The following NRIP1 variants were observed in gnomAD, a reference collection of about 807,000 sequenced individuals.
NRIP1 encodes nuclear receptor-interacting protein 1.
A neutral mutation model predicts 75.0 loss-of-function variants in NRIP1; 28 were observed. The observed-to-expected ratio is 0.37, with a 90% CI of 0.28 to 0.51. The LOEUF (loss-of-function observed/expected upper bound fraction) is 0.51, where lower values mean the gene tolerates loss of function less well. Ranked by LOEUF, NRIP1 falls within the 20% of genes least tolerant of loss-of-function variation. The pLI is 0.92. For synonymous variants in NRIP1, 526 were observed against 487.6 expected (o/e 1.08, Z -1.04); for missense variants, 1,435 against 1,343.7 (o/e 1.07, Z -1.06).
At chr21:14,998,887 G>A (rs1328643340) in intron 3 of NRIP1, among the ~76,000 whole-genome samples, 4 of 152,196 alleles carry the variant, frequency 2.6e-5, no homozygotes, top group Non-Finnish European at 5.9e-5. Flanking sequence ...CAGTAGTTAA[G>A]TTTTGAGGGA....
chr21:15,024,371 C>T (rs770147426), intron 2 of NRIP1, among the ~76,000 whole-genome samples: 80 of 152,106 alleles, frequency 5.3e-4, no homozygotes, highest in African/African-American at 1.7e-3. Context: ...GGTGAAACCC[C>T]GTCTCTACTA....
At chr21:14,978,708 A>C (rs2822989) in intron 3 of NRIP1, among the ~76,000 whole-genome samples, 28,633 of 152,086 alleles carry the variant, frequency 0.19, 3,091 homozygotes, top group East Asian at 0.45. Flanking sequence ...TTCTCCTCAG[A>C]AGGCCTAGGT....
chr21:15,057,396 T>G (rs555906674), intron 1 of NRIP1, among the ~76,000 whole-genome samples: 69 of 152,334 alleles, frequency 4.5e-4, no homozygotes, highest in African/African-American at 1.5e-3. Flanking sequence ...TGTGATACAC[T>G]TCAGAAGAGT....
chr21:14,968,305 G>A lies in NRIP1; in HGVS notation c.-113C>T, dbSNP rs1396796614. Reference sequence around the variant, plus strand: ...GAGTATCAGTTTATCACCTTCCATCGCAATCAGAGAGAGACGTACTGTTAC... The same window carrying A: ...GAGTATCAGTTTATCACCTTCCATCACAATCAGAGAGAGACGTACTGTTAC... On this transcript the variant is annotated 5_prime_UTR_variant, in exon 4 of 4. Coordinates refer to ENST00000318948, the MANE Select transcript of NRIP1 (RefSeq NM_003489.4). 8.6e-6 allele frequency: 6 copies of A among 696,498 alleles called. No individual in the cohort carries two copies. The highest frequency in any genetic ancestry group is 3.8e-5 in the South Asian group (2 of 51,986). 43.1% of individuals were successfully genotyped at this position (696,498 alleles called of 1,614,324 possible). A position where few individuals can be genotyped will look rare whatever the true frequency, so the allele number is the denominator to read the frequency against.
intron 3 of NRIP1, among the ~76,000 whole-genome samples, chr21:14,972,307 T>C (rs1311361128): frequency 6.6e-6 from 1 of 152,180 alleles, no homozygotes; most frequent in Non-Finnish European, 1.5e-5. Context: ...CCTTTTCATT[T>C]CTATAGTATA....
At chr21:15,017,969 G>T (rs1369686583) in intron 2 of NRIP1, among the ~76,000 whole-genome samples, 1 of 151,992 alleles carries the variant, frequency 6.6e-6, no homozygotes, top group African/African-American at 2.4e-5. Flanking sequence ...ACCAACAAAA[G>T]ATAACACAAA....
intron 2 of NRIP1, among the ~76,000 whole-genome samples, chr21:15,017,259 T>C (rs2088257372): frequency 1.3e-5 from 2 of 152,322 alleles, no homozygotes; most frequent in South Asian, 4.1e-4. Flanking sequence ...GATCTCGCTA[T>C]GTTGCTCAGG....
chr21:14,980,904 T>C (rs988180331), intron 3 of NRIP1, among the ~76,000 whole-genome samples: 20 of 152,188 alleles, frequency 1.3e-4, no homozygotes, highest in Admixed American at 6.5e-5. Context: ...AAAAATTATG[T>C]CAAATTATCA....
At chr21:15,059,678 G>T (rs2089382467) in intron 1 of NRIP1, among the ~76,000 whole-genome samples, 1 of 151,982 alleles carries the variant, frequency 6.6e-6, no homozygotes, top group South Asian at 2.1e-4. Flanking sequence ...TTGTTTAGCA[G>T]GTAATTATTT....
chr21:15,024,399 G>A (rs773797437), intron 2 of NRIP1, among the ~76,000 whole-genome samples: 2 of 152,180 alleles, frequency 1.3e-5, no homozygotes, highest in South Asian at 2.1e-4. Context: ...AAAATTAGCT[G>A]GGTGTGGTGG....
At chr21:14,979,299 T>C (rs1002485303) in intron 3 of NRIP1, among the ~76,000 whole-genome samples, 6 of 152,204 alleles carry the variant, frequency 3.9e-5, no homozygotes, top group African/African-American at 7.2e-5. Flanking sequence ...TAATGGAAAA[T>C]GGATCTTTCT....
chr21:14,998,264 G>T (rs1433471092), intron 3 of NRIP1, among the ~76,000 whole-genome samples: 3 of 152,172 alleles, frequency 2.0e-5, no homozygotes, highest in African/African-American at 7.2e-5. Context: ...TCTTTAACCT[G>T]AATATTTATC....
At chr21:15,008,922 C>A (rs1447850171) in intron 3 of NRIP1, among the ~76,000 whole-genome samples, 1 of 152,126 alleles carries the variant, frequency 6.6e-6, no homozygotes, top group Non-Finnish European at 1.5e-5. Context: ...TTGTGTAACT[C>A]TTGTTTTAAA....
At chr21:15,036,624 C>T (rs928435390) in intron 2 of NRIP1, among the ~76,000 whole-genome samples, 3 of 151,972 alleles carry the variant, frequency 2.0e-5, no homozygotes, top group Admixed American at 6.6e-5. Context: ...GAAAGTCAAA[C>T]TTATTTCATT....
chr21:15,044,489 C>A (rs559647120), intron 1 of NRIP1, among the ~76,000 whole-genome samples: 1 of 151,810 alleles, frequency 6.6e-6, no homozygotes, highest in South Asian at 2.1e-4. Context: ...GTGAAGCTAG[C>A]GGTGATAAGG....
intron 2 of NRIP1, among the ~76,000 whole-genome samples, chr21:15,035,620 G>C (rs529790237): frequency 2.0e-5 from 3 of 149,568 alleles, no homozygotes; most frequent in African/African-American, 7.4e-5. Context: ...GCAGTGGCGC[G>C]ATCTCGGCTC....
intron 3 of NRIP1, among the ~76,000 whole-genome samples, chr21:14,973,718 C>T (rs1321150423): frequency 6.7e-6 from 1 of 149,932 alleles, no homozygotes; most frequent in African/African-American, 2.4e-5. Flanking sequence ...ATTCTGTTGC[C>T]CAGGCTGGAC....
At chr21:15,056,438 G>A (rs1365968512) in intron 1 of NRIP1, among the ~76,000 whole-genome samples, 1 of 151,994 alleles carries the variant, frequency 6.6e-6, no homozygotes, top group Non-Finnish European at 1.5e-5. Context: ...GGAATCAGAT[G>A]GTAAATTTAA....
chr21:15,019,031 T>C (rs977399135), intron 2 of NRIP1, among the ~76,000 whole-genome samples: 21 of 151,970 alleles, frequency 1.4e-4, no homozygotes, highest in African/African-American at 4.3e-4. Flanking sequence ...CACTGATGTG[T>C]TGGATTTTGT....
Sources: gnomAD v4.1 joint callset for allele counts (sites outside exome capture counted in the v4.1 genomes callset) on GRCh38, gnomAD v4.1.1 for gene constraint, MANE v1.5 for transcripts, NCBI Gene and HGNC (gene_info 2026-07-23, HGNC 2026-07-21) for gene names.